EIF4E1B: variants seen among roughly 807,000 people sequenced by gnomAD.
The protein encoded by EIF4E1B is eukaryotic translation initiation factor 4E type 1B.
A neutral mutation model predicts 31.3 loss-of-function variants in EIF4E1B; 22 were observed. That is an observed-to-expected ratio of 0.70 (90% confidence interval 0.50 to 1.00). The LOEUF (loss-of-function observed/expected upper bound fraction) is 1.00. Among genes scored for constraint, EIF4E1B ranks in the 50% least tolerant of loss-of-function variants. EIF4E1B has a pLI of 0.00. For synonymous variants in EIF4E1B, 126 were observed against 120.2 expected (o/e 1.05, Z -0.31); for missense variants, 290 against 311.6 (o/e 0.93, Z 0.52).
intron 1 of EIF4E1B, among the ~76,000 whole-genome samples, chr5:176,631,659 A>AT (rs1760389455): frequency 6.6e-6 from 1 of 152,004 alleles, no homozygotes; most frequent in Non-Finnish European, 1.5e-5. Flanking sequence ...CAAAAAAAAA[A>AT]AAAAAGGAAA....
At chr5:176,641,992 T>C (rs980217421) in intron 1 of EIF4E1B, 51 bp from the exon 2 acceptor site, 4 of 152,614 alleles carry the variant, frequency 2.6e-5, no homozygotes, top group Admixed American at 6.5e-5. Context: ...TATCATTTAA[T>C]ACCCTCAACA....
intron 5 of EIF4E1B, 88 bp from the exon 6 acceptor site, chr5:176,644,288 C>T (rs568318619): frequency 7.7e-5 from 105 of 1,365,638 alleles, no homozygotes; most frequent in East Asian, 6.9e-4. Context: ...GCCATGGGGT[C>T]GGATGAGGAG....
intron 3 of EIF4E1B, 68 bp downstream of exon 3, chr5:176,642,870 C>CCCCCCCCCCCCGGGGGGGGGGGGGGG: frequency 7.0e-7 from 1 of 1,426,054 alleles, no homozygotes; most frequent in Admixed American, 2.2e-5. Context: ...CCCCCCGCCC[C>CCCCCCCCCCCCGGGGGGGGGGGGGGG]AGGTGGGCGG....
chr5:176,643,016 A>T lies in EIF4E1B; in HGVS notation c.16-66A>T, dbSNP rs1465279479. ...TCCCCTCCTGGAGCAGGGGATGGGCAGGGTGGGCACAGGGACAGCCAGGGC... is the reference window on the plus strand; with the variant it reads ...TCCCCTCCTGGAGCAGGGGATGGGCTGGGTGGGCACAGGGACAGCCAGGGC... On this transcript the variant is annotated intron_variant, in intron 3 of 8. Coordinates refer to ENST00000318682, the MANE Select transcript of EIF4E1B (RefSeq NM_001099408.2). 3 of 1,542,444 alleles carry T rather than the reference A, an allele frequency of 1.9e-6. No individual in the cohort carries two copies. In the East Asian group the frequency reaches 7.3e-5, roughly 38 times the overall value.
rs1186194856 is a variant in EIF4E1B, at chr5:176,643,150, G to T, written c.84G>T (p.Arg28Ser). 6.2e-7 allele frequency: 1 copy of T among 1,613,912 alleles called. No individual in the cohort carries two copies. The highest frequency in any genetic ancestry group is 1.3e-5 in the African/African-American group (1 of 75,056). Residue 28 changes from arginine (R) to serine (S), a missense_variant, in exon 4 of 9, where the codon AGG (arginine) becomes AGT (serine). Arg to Ser is a moderately radical substitution (Grantham distance 110, BLOSUM62 -1). Coordinates refer to ENST00000318682, the MANE Select transcript of EIF4E1B (RefSeq NM_001099408.2). ...AGAAGGAGGAGGAGGCAGCAGAGAG[G>T]ACGCCCACAGGAGAAAAGTCTCCAA... ...EEEKEEEAAE[R>S]TPTGEKSPNS...
Position 176,646,103 on chromosome 5 carries a change from A to G in EIF4E1B, c.*123A>G. On this transcript the variant is annotated 3_prime_UTR_variant, in exon 9 of 9. Coordinates refer to ENST00000318682, the MANE Select transcript of EIF4E1B (RefSeq NM_001099408.2). ...CTTACCTGTCCTCAAGTGAACAGGA[A>G]TGCAAACACTCTTTAACATGAGTTG... is the stretch of plus-strand genomic sequence containing the variant. 1.2e-6 allele frequency: 1 copy of G among 807,976 alleles called. No homozygotes were observed. Among genetic ancestry groups the G allele is most frequent in the East Asian group, 2.7e-5 (1 of 37,178 alleles). 50.1% of individuals were successfully genotyped at this position (807,976 alleles called of 1,614,324 possible).
In EIF4E1B at chr5:176,644,365, G is replaced by A. The variant is rs763120290; in HGVS notation, c.297-11G>A. The A allele has an allele frequency of 6.3e-7, 1 of 1,583,022 alleles. No individual in the cohort carries two copies. Among genetic ancestry groups the A allele is most frequent in the Non-Finnish European group, 8.6e-7 (1 of 1,164,268 alleles). The stretch of plus-strand genomic sequence containing the variant: ...CTTGACTTTTGGCATGGGGTCGGGG[G>A]CTCTGTCCAGGCTATACAGTCACAT... On this transcript the variant is annotated splice_polypyrimidine_tract_variant and intron_variant, in intron 5 of 8. Transcript: ENST00000318682.
At chr5:176,631,799 C>T (rs1440690093) in intron 1 of EIF4E1B, among the ~76,000 whole-genome samples, 2 of 152,186 alleles carry the variant, frequency 1.3e-5, no homozygotes, top group Non-Finnish European at 2.9e-5. Context: ...GCCAACAGCT[C>T]CCCTTCCAGG....
At chr5:176,636,328 T>G (rs1464303109) in intron 1 of EIF4E1B, among the ~76,000 whole-genome samples, 1 of 152,230 alleles carries the variant, frequency 6.6e-6, no homozygotes, top group Non-Finnish European at 1.5e-5. Context: ...CCTCAGGAAC[T>G]CTCACTGTTT....
chr5:176,635,070 CTGA>C (rs1760472305), intron 1 of EIF4E1B, among the ~76,000 whole-genome samples: 1 of 152,014 alleles, frequency 6.6e-6, no homozygotes, highest in Admixed American at 6.6e-5. Context: ...AGCCATAGGG[CTGA>C]GTGTGATCGT....
intron 3 of EIF4E1B, 54 bp downstream of exon 3, chr5:176,642,856 C>CCCCCCCCCT: frequency 1.6e-6 from 2 of 1,270,912 alleles, no homozygotes; most frequent in Non-Finnish European, 2.0e-6. Flanking sequence ...CCCTCTCCCC[C>CCCCCCCCCT]CCCCCCCCCG....
chr5:176,633,991 C>A (rs1411581167), intron 1 of EIF4E1B, among the ~76,000 whole-genome samples: 1 of 152,102 alleles, frequency 6.6e-6, no homozygotes, highest in Non-Finnish European at 1.5e-5. Flanking sequence ...TGGAGCAGGG[C>A]TGGAAGGAGA....
At chr5:176,640,343 AAGGAGAGCTGG>A (rs1288073280) in intron 1 of EIF4E1B, among the ~76,000 whole-genome samples, 1 of 152,212 alleles carries the variant, frequency 6.6e-6, no homozygotes, top group Non-Finnish European at 1.5e-5. Flanking sequence ...CCTCCCTTTG[AAGGAGAGCTGG>A]GCTGTCCTAC....
In EIF4E1B at chr5:176,646,395, A is replaced by G. The variant is rs973288583; in HGVS notation, c.*415A>G. ...ACAGACATTCTGGAGGGTGAACGCC[A>G]TCATTTGTACAGAGGGATACGTGGG... On this transcript the variant is annotated 3_prime_UTR_variant, in exon 9 of 9. Coordinates refer to ENST00000318682, the MANE Select transcript of EIF4E1B (RefSeq NM_001099408.2). 9.1e-5 allele frequency: 17 copies of G among 186,782 alleles called. No homozygotes were observed. The highest frequency in any genetic ancestry group is 3.2e-4 in the South Asian group (3 of 9,254). 11.6% of individuals were successfully genotyped at this position (186,782 alleles called of 1,614,324 possible).
intron 1 of EIF4E1B, among the ~76,000 whole-genome samples, chr5:176,635,825 C>CA (rs1561908481): frequency 1.3e-5 from 2 of 151,048 alleles, no homozygotes. Flanking sequence ...TCTTTCTTTC[C>CA]TTTTTTTTTG....
chr5:176,643,275 G>T lies in EIF4E1B; in HGVS notation c.200+9G>T, dbSNP rs757549714. 2 of 1,609,596 alleles carry T rather than the reference G, an allele frequency of 1.2e-6. No individual in the cohort carries two copies. Among genetic ancestry groups the T allele is most frequent in the Admixed American group, 1.7e-5 (1 of 59,948 alleles). On this transcript the variant is annotated intron_variant, in intron 4 of 8. Transcript: ENST00000318682. ...CACCCCTTGCAGAACAGGTAGGCAG[G>T]AGCCTGCGAGTGGAACACAGCCCCT...
chr5:176,646,046 T>C lies in EIF4E1B; in HGVS notation c.*66T>C. 1 of 1,413,298 alleles carries C rather than the reference T, an allele frequency of 7.1e-7. No homozygotes were observed. The highest frequency in any genetic ancestry group is 9.8e-7 in the Non-Finnish European group (1 of 1,024,070). The allele number at this position is 1,413,298 out of a possible 1,614,324, so 87.5% of individuals were successfully genotyped here. Reference sequence around the variant, plus strand: ...CACTGAGCCTCATTACTTTGGGGGATGGGGCGGGACTGGGGATCAGACAGC... The same window carrying C: ...CACTGAGCCTCATTACTTTGGGGGACGGGGCGGGACTGGGGATCAGACAGC... On this transcript the variant is annotated 3_prime_UTR_variant, in exon 9 of 9. Transcript: ENST00000318682.
intron 1 of EIF4E1B, among the ~76,000 whole-genome samples, chr5:176,640,527 TA>T (rs1760556102): frequency 6.6e-6 from 1 of 152,234 alleles, no homozygotes. Context: ...GTTTTCCTTC[TA>T]CATACCCCTT....
chr5:176,638,202 C>T lies in EIF4E1B; in HGVS notation c.-201-3841C>T, dbSNP rs564208636. 9.9e-5 allele frequency among the ~76,000 whole-genome samples: 15 copies of T among 152,270 alleles called. No individual in the cohort carries two copies. The highest frequency in any genetic ancestry group is 2.1e-4 in the Non-Finnish European group (14 of 68,014). ...TGTCGGGCGGGCAGTTGGATATGCT[C>T]TTCTGGATTTCTGGTGGCGGCTAAG... On this transcript the variant is annotated intron_variant, in intron 1 of 8. Transcript: ENST00000318682. The surrounding 1 kb of genome is among the most constrained non-coding windows in gnomAD (Gnocchi z 4.3).
Sources: allele counts gnomAD v4.1 joint callset (sites outside exome capture counted in the v4.1 genomes callset), GRCh38; gene constraint gnomAD v4.1.1; non-coding constraint Gnocchi (gnomAD v3.1); transcripts MANE v1.5; gene names NCBI Gene and HGNC (gene_info 2026-07-23, HGNC 2026-07-21).